Variants in GPHN observed in about 807,000 individuals in gnomAD.
GPHN encodes gephyrin.
In GPHN, 17 loss-of-function variants were observed where a neutral mutation model predicts 95.5. That is an observed-to-expected ratio of 0.18 (90% confidence interval 0.12 to 0.27). The LOEUF (loss-of-function observed/expected upper bound fraction) is 0.27. Ranked by LOEUF, GPHN falls within the 10% of genes least tolerant of loss-of-function variation. The probability of loss-of-function intolerance (pLI) is 1.00; values close to 1 mark genes in which losing one functional copy is unlikely to be tolerated. For synonymous variants in GPHN, 320 were observed against 322.5 expected (o/e 0.99, Z 0.08); for missense variants, 660 against 978.1 (o/e 0.67, Z 4.34).
At chr14:67,167,020 G>A (rs1262723021) in intron 20 of GPHN, among the ~76,000 whole-genome samples, 3 of 152,276 alleles carry the variant, frequency 2.0e-5, no homozygotes, top group East Asian at 3.9e-4. Flanking sequence ...TGTAGGCCAT[G>A]CGTTTAAAGC....
chr14:67,631,066 G>A, the GPHN span, among the ~76,000 whole-genome samples: 7 of 151,998 alleles, frequency 4.6e-5, no homozygotes, highest in Admixed American at 3.9e-4. Flanking sequence ...CCCTCACCTC[G>A]TGTCATGGCT....
At chr14:66,889,882 G>C (rs551008404) in intron 5 of GPHN, among the ~76,000 whole-genome samples, 54 of 149,910 alleles carry the variant, frequency 3.6e-4, no homozygotes, top group African/African-American at 1.2e-3. Context: ...GATAGACTAA[G>C]AAAAAAAAAG....
At chr14:66,530,378 TG>T (rs1450972084) in intron 1 of GPHN, among the ~76,000 whole-genome samples, 1 of 152,174 alleles carries the variant, frequency 6.6e-6, no homozygotes. Flanking sequence ...CTTAGCTTGC[TG>T]GGCTCCTTGG....
chr14:67,407,178 G>A, the GPHN span, among the ~76,000 whole-genome samples: 4 of 152,014 alleles, frequency 2.6e-5, no homozygotes, highest in Non-Finnish European at 5.9e-5. Flanking sequence ...CTAGAGTGCT[G>A]TGGTGCGATC....
intron 21 of GPHN, among the ~76,000 whole-genome samples, chr14:67,171,353 A>G (rs2082585969): frequency 6.6e-6 from 1 of 152,048 alleles, no homozygotes; most frequent in Non-Finnish European, 1.5e-5. Flanking sequence ...AATAAGAAAC[A>G]CTTCCAAAGC....
At chr14:66,852,405 G>A (rs1367000960) in intron 4 of GPHN, among the ~76,000 whole-genome samples, 3 of 152,352 alleles carry the variant, frequency 2.0e-5, no homozygotes, top group Non-Finnish European at 2.9e-5. Context: ...GCGCGTGCGC[G>A]TGTTCACCTG....
intron 8 of GPHN, among the ~76,000 whole-genome samples, chr14:66,955,119 A>G (rs2068398337): frequency 6.6e-6 from 1 of 152,166 alleles, no homozygotes; most frequent in Non-Finnish European, 1.5e-5. Flanking sequence ...AATACTGGCC[A>G]CTTAAAATGA....
At chr14:67,632,808 ATTTTTTTTTTTTTTTTT>A in the GPHN span, among the ~76,000 whole-genome samples, 267 of 62,442 alleles carry the variant, frequency 4.3e-3, 2 homozygotes, top group Admixed American at 0.018. Flanking sequence ...AAGCCTCTTA[ATTTTTTTTTTTTTTTTT>A]TTTTTTTTTT....
At chr14:67,674,527 G>A in the GPHN span, 23 of 1,548,446 alleles carry the variant, frequency 1.5e-5, no homozygotes, top group Non-Finnish European at 1.9e-5. Context: ...ACCGAGATTC[G>A]GGGCCCTGGG....
chr14:67,304,406 A>G, the GPHN span, among the ~76,000 whole-genome samples: 3 of 152,230 alleles, frequency 2.0e-5, no homozygotes, highest in Admixed American at 6.5e-5. Flanking sequence ...AATGTCTGTC[A>G]GGTGATGAAT....
At chr14:66,693,047 G>A (rs1466461548) in intron 2 of GPHN, among the ~76,000 whole-genome samples, 1 of 151,786 alleles carries the variant, frequency 6.6e-6, no homozygotes, top group South Asian at 2.1e-4. Flanking sequence ...ATATAAATAA[G>A]CCCACTACAT....
chr14:66,555,509 G>T (rs10140083), intron 1 of GPHN, among the ~76,000 whole-genome samples: 51,976 of 151,958 alleles, frequency 0.34, 13,427 homozygotes, highest in African/African-American at 0.7. Flanking sequence ...CGCAACCCAC[G>T]CTGCCTTTTG....
At chr14:66,894,243 C>G (rs1027966937) in intron 5 of GPHN, among the ~76,000 whole-genome samples, 58 of 152,082 alleles carry the variant, frequency 3.8e-4, no homozygotes, top group African/African-American at 8.0e-4. Flanking sequence ...GCAAACCTGA[C>G]AAAAACAAGC....
At chr14:67,508,135 C>CA in the GPHN span, among the ~76,000 whole-genome samples, 155 of 130,596 alleles carry the variant, frequency 1.2e-3, 9 homozygotes, top group Admixed American at 1.8e-3. Context: ...AACTCCATCT[C>CA]AAAAAAAAAA....
the GPHN span, among the ~76,000 whole-genome samples, chr14:67,350,198 G>A: frequency 1.1e-4 from 16 of 151,962 alleles, no homozygotes; most frequent in African/African-American, 2.7e-4. Flanking sequence ...TTTATCCTAC[G>A]GGAATAATTC....
At chr14:66,880,092 TA>T in intron 5 of GPHN, 59 bp downstream of exon 5, 21 of 1,065,110 alleles carry the variant, frequency 2.0e-5, no homozygotes, top group Non-Finnish European at 2.8e-5. Context: ...TCCGTGATAT[TA>T]AAAAAAATCT....
intron 17 of GPHN, among the ~76,000 whole-genome samples, chr14:67,139,326 C>T (rs188863583): frequency 5.0e-4 from 76 of 152,176 alleles, no homozygotes; most frequent in African/African-American, 1.5e-3. Flanking sequence ...TCTTGAACTC[C>T]GGGGCTCAAG....
chr14:67,036,261 A>G (rs74935205), intron 10 of GPHN, among the ~76,000 whole-genome samples: 2 of 151,882 alleles, frequency 1.3e-5, no homozygotes, highest in East Asian at 3.9e-4. Flanking sequence ...AGCTCATAAC[A>G]TAACATACTA....
intron 1 of GPHN, among the ~76,000 whole-genome samples, chr14:66,564,103 A>G (rs1389931280): frequency 6.6e-6 from 1 of 152,094 alleles, no homozygotes; most frequent in Non-Finnish European, 1.5e-5. Context: ...AGCTATCTCT[A>G]TGTAAATGTG....
Sources: allele counts gnomAD v4.1 joint callset (sites outside exome capture counted in the v4.1 genomes callset), GRCh38; gene constraint gnomAD v4.1.1; transcripts MANE v1.5; gene names NCBI Gene and HGNC (gene_info 2026-07-23, HGNC 2026-07-21).